PTPN4: variants seen among roughly 807,000 people sequenced by gnomAD.
PTPN4 encodes the protein tyrosine-protein phosphatase non-receptor type 4.
PTPN4 carries 49 observed loss-of-function variants against 135.5 expected under a neutral mutation model. The ratio of observed to expected loss-of-function variants is 0.36; its 90% confidence interval spans 0.29 to 0.46. PTPN4 has a LOEUF of 0.46. PTPN4 is among the 20% of genes least tolerant of loss of function. PTPN4 has a pLI of 1.00. For synonymous variants in PTPN4, 333 were observed against 369.9 expected (o/e 0.90, Z 1.14); for missense variants, 860 against 1,101.0 (o/e 0.78, Z 3.10).
intron 1 of PTPN4, among the ~76,000 whole-genome samples, chr2:119,806,109 C>T (rs1482116710): frequency 1.3e-5 from 2 of 152,072 alleles, no homozygotes; most frequent in Non-Finnish European, 1.5e-5. Context: ...AACTGGTACC[C>T]GCCACTGTAA....
intron 10 of PTPN4, among the ~76,000 whole-genome samples, chr2:119,903,991 A>G (rs1317110869): frequency 1.3e-5 from 2 of 152,254 alleles, no homozygotes; most frequent in African/African-American, 2.4e-5. Flanking sequence ...AGCCAACACT[A>G]TAGGTACATC....
chr2:119,938,941 G>T (rs1215833992), intron 15 of PTPN4, among the ~76,000 whole-genome samples: 1 of 152,030 alleles, frequency 6.6e-6, no homozygotes, highest in Non-Finnish European at 1.5e-5. Flanking sequence ...TAGTGTTTAC[G>T]AGCACAAGCT....
At chr2:119,960,320 T>C (rs1208933699) in intron 22 of PTPN4, among the ~76,000 whole-genome samples, 1 of 152,238 alleles carries the variant, frequency 6.6e-6, no homozygotes, top group Non-Finnish European at 1.5e-5. Context: ...TAAAATATTC[T>C]GATACCCTCT....
intron 1 of PTPN4, among the ~76,000 whole-genome samples, chr2:119,777,926 G>A (rs1024725683): frequency 2.9e-4 from 44 of 152,172 alleles, no homozygotes; most frequent in Admixed American, 7.2e-4. Context: ...AAAGTGCTGG[G>A]ATTATAGATG....
intron 3 of PTPN4, among the ~76,000 whole-genome samples, chr2:119,865,223 A>G (rs2104989729): frequency 6.6e-6 from 1 of 152,266 alleles, no homozygotes; most frequent in South Asian, 2.1e-4. Context: ...TTCCAATTCT[A>G]GTTGTCAATG....
chr2:119,843,595 C>T (rs1371235829), intron 2 of PTPN4, among the ~76,000 whole-genome samples: 2 of 99,510 alleles, frequency 2.0e-5, no homozygotes, highest in East Asian at 2.6e-4. Flanking sequence ...ACCTCCCGGA[C>T]GGGGCGGCTG....
At chr2:119,904,504 C>A (rs1295067598) in intron 10 of PTPN4, among the ~76,000 whole-genome samples, 1 of 152,086 alleles carries the variant, frequency 6.6e-6, no homozygotes, top group Non-Finnish European at 1.5e-5. Flanking sequence ...CTGAAAGCTT[C>A]CCAACTCTTG....
intron 1 of PTPN4, among the ~76,000 whole-genome samples, chr2:119,777,322 G>A (rs1690854141): frequency 6.6e-6 from 1 of 152,150 alleles, no homozygotes; most frequent in African/African-American, 2.4e-5. Context: ...CTCAGCCATG[G>A]CTTTCCTGAG....
chr2:119,962,216 A>G (rs1256981207), intron 23 of PTPN4, among the ~76,000 whole-genome samples: 3 of 152,142 alleles, frequency 2.0e-5, no homozygotes, highest in African/African-American at 7.2e-5. Flanking sequence ...GCACTTTGGG[A>G]GACGGAGGCA....
At chr2:119,776,822 T>A (rs1690846550) in intron 1 of PTPN4, among the ~76,000 whole-genome samples, 1 of 152,236 alleles carries the variant, frequency 6.6e-6, no homozygotes, top group East Asian at 1.9e-4. Context: ...GTTAATTGAC[T>A]TTGTTATTGG....
At chr2:119,917,819 CT>C (rs1678677171) in intron 11 of PTPN4, among the ~76,000 whole-genome samples, 14 of 152,090 alleles carry the variant, frequency 9.2e-5, no homozygotes, top group Admixed American at 9.2e-4. Flanking sequence ...TCTAAAACAT[CT>C]TTGTTTTTAA....
At chr2:119,914,075 G>A (rs1320723703) in intron 10 of PTPN4, among the ~76,000 whole-genome samples, 1 of 151,824 alleles carries the variant, frequency 6.6e-6, no homozygotes, top group Non-Finnish European at 1.5e-5. Flanking sequence ...ACCTTCCTGG[G>A]AATTTTTGAA....
At chr2:119,960,735 A>G in intron 22 of PTPN4, 72 bp from the exon 23 acceptor site, 3 of 1,484,304 alleles carry the variant, frequency 2.0e-6, no homozygotes, top group South Asian at 1.3e-5. Flanking sequence ...CAGTTAGTGG[A>G]TGATTTTCCT....
chr2:119,938,172 G>GGCTGGAGT (rs1326101664), intron 15 of PTPN4, among the ~76,000 whole-genome samples: 1 of 137,046 alleles, frequency 7.3e-6, no homozygotes, highest in African/African-American at 2.7e-5. Flanking sequence ...CTGTCGCCCA[G>GGCTGGAGT]GCTGGAGTGC....
intron 2 of PTPN4, among the ~76,000 whole-genome samples, chr2:119,845,255 A>C (rs938054067): frequency 6.9e-5 from 1 of 14,446 alleles, no homozygotes; most frequent in Admixed American, 1.0e-3. Flanking sequence ...GGGGAGGGGG[A>C]GGGGGAGGGG....
At chr2:119,931,569 A>G (rs1678908258) in intron 13 of PTPN4, among the ~76,000 whole-genome samples, 1 of 150,146 alleles carries the variant, frequency 6.7e-6, no homozygotes, top group African/African-American at 2.4e-5. Flanking sequence ...TCAGCCTCCC[A>G]AGTAGCTTGG....
chr2:119,854,620 C>T (rs112131921), intron 2 of PTPN4, among the ~76,000 whole-genome samples: 2 of 152,238 alleles, frequency 1.3e-5, no homozygotes, highest in African/African-American at 4.8e-5. Context: ...GTTCGTTTTG[C>T]AGCACCATTT....
intron 2 of PTPN4, among the ~76,000 whole-genome samples, chr2:119,838,411 A>C (rs74859983): frequency 6.6e-6 from 1 of 152,202 alleles, no homozygotes; most frequent in Non-Finnish European, 1.5e-5. Flanking sequence ...TGACATTAAT[A>C]TTTACTGTTT....
chr2:119,846,553 TTTTTTTTTTTTACCA>T lies in PTPN4; in HGVS notation c.139-15982_139-15968del, dbSNP rs1558743437. ...TTTAGCAGCATATACTTGCGTCTTA[TTTTTTTTTTTTACCA>T]GTCTGACATCCCTGCCTTTTGATTG... On this transcript the variant is annotated intron_variant, in intron 2 of 26. Coordinates refer to ENST00000263708, the MANE Select transcript of PTPN4 (RefSeq NM_002830.4). Among the ~76,000 whole-genome samples the T allele has an allele frequency of 4.3e-3, 549 of 128,954 alleles. 3 individuals carry two copies. Among genetic ancestry groups the T allele is most frequent in the African/African-American group, 0.022 (527 of 24,132 alleles). 84.6% of individuals were successfully genotyped at this position (128,954 alleles called of 152,430 possible).
Sources: gnomAD v4.1 joint callset for allele counts (sites outside exome capture counted in the v4.1 genomes callset) on GRCh38, gnomAD v4.1.1 for gene constraint, MANE v1.5 for transcripts, NCBI Gene and HGNC (gene_info 2026-07-23, HGNC 2026-07-21) for gene names.